Variants in ZNF625 observed in about 807,000 individuals in gnomAD.
ZNF625 encodes zinc finger protein 625.
ZNF625 carries 8 observed loss-of-function variants against 11.1 expected under a neutral mutation model. That is an observed-to-expected ratio of 0.72 (90% CI 0.42 to 1.30). The LOEUF is 1.30. ZNF625 is among the 50% of genes most tolerant of loss of function. The probability of loss-of-function intolerance (pLI) is 0.01; values close to 1 mark genes in which losing one functional copy is unlikely to be tolerated. For synonymous variants in ZNF625, 145 were observed against 153.4 expected, an observed-to-expected ratio of 0.95 and a Z score of 0.41; for missense variants, 349 against 447.6, an observed-to-expected ratio of 0.78 and a Z score of 1.99.
rs1295188372 is a variant in ZNF625 at position 12,146,160 on chromosome 19, G to C, written c.256C>G (p.Gln86Glu). 1.2e-6 allele frequency: 2 copies of C among 1,614,112 alleles called. No homozygotes were observed. The highest frequency in any genetic ancestry group is 2.2e-5 in the South Asian group (2 of 91,076). ...TTCTTCAGCATGTCATCTGGAACCT[G>C]GGTCAAAATTTCTCCATGCTGATGA... is the stretch of plus-strand genomic sequence containing the variant. Reference protein sequence around the residue: ...KDHQHGEILTQVPDDMLKKKT... With the variant: ...KDHQHGEILTEVPDDMLKKKT... Residue 86 changes from glutamine (Q) to glutamate (E), a missense_variant, in exon 4 of 4, where the codon CAG becomes GAG. Gln to Glu is a conservative substitution (Grantham distance 29). Coordinates refer to ENST00000439556, the MANE Select transcript of ZNF625 (RefSeq NM_145233.4).
At position 12,145,736 on chromosome 19, in the gene ZNF625, G is replaced by C. The variant is rs1976860546; in HGVS notation, c.680C>G (p.Ala227Gly). 2 of 1,614,116 alleles carry C rather than the reference G, an allele frequency of 1.2e-6. No homozygotes were observed. The highest frequency in any genetic ancestry group is 1.7e-6 in the Non-Finnish European group (2 of 1,180,026). ...KPYECKQCGK[A>G]FSHSGSLRIH... Reference sequence around the variant, plus strand: ...TCGAAGGCTACCAGAATGACTAAAGGCTTTACCACACTGTTTACATTCATA... The same window carrying C: ...TCGAAGGCTACCAGAATGACTAAAGCCTTTACCACACTGTTTACATTCATA... The change falls in exon 4 of 4, where the codon GCC (alanine) becomes GGC (glycine). Residue 227 changes from alanine (A) to glycine (G), a missense_variant. By Grantham distance (60) the Ala-to-Gly change is moderately conservative. Coordinates refer to ENST00000439556, the MANE Select transcript of ZNF625 (RefSeq NM_145233.4).
intron 1 of ZNF625, among the ~76,000 whole-genome samples, chr19:12,148,319 T>C (rs1052093726): frequency 6.6e-6 from 1 of 151,798 alleles, no homozygotes; most frequent in African/African-American, 2.4e-5. Context: ...CATAACTAAC[T>C]AAAACAAAAA....
Position 12,145,402 on chromosome 19 carries a change from T to C in ZNF625, c.1014A>G (p.Lys338=). 6.2e-7 allele frequency: 1 copy of C among 1,614,190 alleles called. No individual in the cohort carries two copies. The highest frequency in any genetic ancestry group is 8.5e-7 in the Non-Finnish European group (1 of 1,180,038). Reference sequence around the variant, plus strand: ...TAACGCTCGAGGCACATCCAAAGGCTTTACCACATTGTTTACATTCATAGG... The same window carrying C: ...TAACGCTCGAGGCACATCCAAAGGCCTTACCACATTGTTTACATTCATAGG... ...EKPYECKQCG[K]AFGCASSVKI... Residue 338 remains lysine, a synonymous_variant, in exon 4 of 4, where the codon AAA becomes AAG. Coordinates refer to ENST00000439556, the MANE Select transcript of ZNF625 (RefSeq NM_145233.4).
chr19:12,148,623 A>ATTT, intron 1 of ZNF625, among the ~76,000 whole-genome samples: 1 of 138,288 alleles, frequency 7.2e-6, no homozygotes, highest in Non-Finnish European at 1.6e-5. Context: ...TATAACTACC[A>ATTT]TTTTTTTTTT....
In ZNF625 at chr19:12,146,223, C is replaced by T; in HGVS notation, c.193G>A (p.Gly65Ser). Residue 65 changes from glycine (G) to serine (S), a missense_variant and splice_region_variant, in exon 4 of 4, where the codon GGT becomes AGT. Transcript: ENST00000439556. The part of the protein sequence containing the change: ...EYKNPRRNLR[G>S]LMGERLLESK... ...TCTAAGAGTCTCTCTCCCATAAGACCTCTGTGAACAATGAGAAGTATATCA... is the reference window on the plus strand; with the variant it reads ...TCTAAGAGTCTCTCTCCCATAAGACTTCTGTGAACAATGAGAAGTATATCA... 6.2e-7 allele frequency: 1 copy of T among 1,611,986 alleles called. No individual in the cohort carries two copies. The highest frequency in any genetic ancestry group is 8.5e-7 in the Non-Finnish European group (1 of 1,179,370).
intron 1 of ZNF625, among the ~76,000 whole-genome samples, chr19:12,149,394 C>T (rs1976923616): frequency 6.7e-6 from 1 of 149,328 alleles, no homozygotes; most frequent in South Asian, 2.1e-4. Flanking sequence ...TATATATATG[C>T]AATGGAATAT....
intron 1 of ZNF625, among the ~76,000 whole-genome samples, chr19:12,151,327 C>T (rs1976952275): frequency 6.6e-6 from 1 of 151,192 alleles, no homozygotes; most frequent in South Asian, 2.1e-4. Flanking sequence ...CCTCCCACCA[C>T]AGCCTTCTGA....
chr19:12,149,692 C>T (rs1419083114), intron 1 of ZNF625, among the ~76,000 whole-genome samples: 1 of 151,132 alleles, frequency 6.6e-6, no homozygotes, highest in African/African-American at 2.4e-5. Flanking sequence ...ATACAAGTGA[C>T]AAGTAAGCAC....
intron 1 of ZNF625, among the ~76,000 whole-genome samples, chr19:12,155,229 A>G (rs1466673222): frequency 1.3e-5 from 2 of 151,992 alleles, no homozygotes; most frequent in African/African-American, 4.8e-5. Context: ...ATCTCAAAAA[A>G]AAAAAAAAAC....
At chr19:12,148,517 C>A (rs1388934954) in intron 1 of ZNF625, among the ~76,000 whole-genome samples, 1 of 151,926 alleles carries the variant, frequency 6.6e-6, no homozygotes, top group East Asian at 1.9e-4. Flanking sequence ...TAAGAGAACA[C>A]CATCAAGAGA....
At chr19:12,151,196 T>C (rs1309408739) in intron 1 of ZNF625, among the ~76,000 whole-genome samples, 1 of 151,694 alleles carries the variant, frequency 6.6e-6, no homozygotes, top group East Asian at 1.9e-4. Context: ...AGCTATACTC[T>C]TGTATTTCTT....
chr19:12,147,077 C>T (rs986759919), intron 3 of ZNF625, among the ~76,000 whole-genome samples: 22 of 151,874 alleles, frequency 1.4e-4, no homozygotes, highest in African/African-American at 5.3e-4. Flanking sequence ...TGCCATTCTC[C>T]TGCCTCAGCC....
At position 12,146,112 on chromosome 19, in the gene ZNF625, A is replaced by G. The variant is rs1976868526; in HGVS notation, c.304T>C (p.Cys102Arg). 3 of 1,614,092 alleles carry G rather than the reference A, an allele frequency of 1.9e-6. No individual in the cohort carries two copies. The highest frequency in any genetic ancestry group is 2.7e-5 in the African/African-American group (2 of 75,028). The change falls in exon 4 of 4, where the codon TGT (cysteine) becomes CGT (arginine). Residue 102 changes from cysteine (C) to arginine (R), a missense_variant. Physicochemically the swap from Cys to Arg is radical, Grantham distance 180 (BLOSUM62 -3). Transcript: ENST00000439556. ...LKKKTPRVKS[C>R]GEVSVGHASL... is the part of the protein sequence containing the mutation. ...GCATGACCCACGCTGACTTCTCCACATGATTTTACTCGGGGAGTTTTCTTC... is the reference window on the plus strand; with the variant it reads ...GCATGACCCACGCTGACTTCTCCACGTGATTTTACTCGGGGAGTTTTCTTC...
intron 1 of ZNF625, among the ~76,000 whole-genome samples, chr19:12,148,575 C>A (rs2145610362): frequency 6.6e-6 from 1 of 152,000 alleles, no homozygotes; most frequent in Non-Finnish European, 1.5e-5. Flanking sequence ...AATGGCTCAG[C>A]CCCTATGGAA....
rs1428974007 is a variant in ZNF625 at position 12,146,159 on chromosome 19, TGG to T, written c.255_256del (p.Gln86GlyfsTer4). 6.2e-7 allele frequency: 1 copy of T among 1,614,096 alleles called. No homozygotes were observed. The highest frequency in any genetic ancestry group is 8.5e-7 in the Non-Finnish European group (1 of 1,180,038). ...CTTCTTCAGCATGTCATCTGGAACC[TGG>T]GTCAAAATTTCTCCATGCTGATGAT... On this transcript the variant is annotated frameshift_variant, in exon 4 of 4. Coordinates refer to ENST00000439556, the MANE Select transcript of ZNF625 (RefSeq NM_145233.4). LOFTEE classifies it low-confidence loss of function (END_TRUNC).
At chr19:12,151,430 G>C (rs1199711336) in intron 1 of ZNF625, among the ~76,000 whole-genome samples, 2 of 149,812 alleles carry the variant, frequency 1.3e-5, no homozygotes, top group African/African-American at 4.9e-5. Context: ...GCCCAGGCTG[G>C]AGTGCAGTGG....
chr19:12,153,403 C>T (rs1349133587), intron 1 of ZNF625, among the ~76,000 whole-genome samples: 4 of 150,260 alleles, frequency 2.7e-5, no homozygotes, highest in Non-Finnish European at 5.9e-5. Flanking sequence ...GACACATGCA[C>T]GGCTGGGTGC....
At chr19:12,146,332 C>T (rs908267260) in intron 3 of ZNF625, 108 bp from the exon 4 acceptor site, 2 of 1,038,292 alleles carry the variant, frequency 1.9e-6, no homozygotes, top group Admixed American at 2.2e-5. Context: ...AATGTGTAGG[C>T]TTTCTGCCCT....
chr19:12,149,370 G>A (rs1230305492), intron 1 of ZNF625, among the ~76,000 whole-genome samples: 1 of 143,420 alleles, frequency 7.0e-6, no homozygotes, highest in Non-Finnish European at 1.5e-5. Flanking sequence ...TAACAAAAAT[G>A]TGATAGGTAT....
Sources: allele counts gnomAD v4.1 joint callset (sites outside exome capture counted in the v4.1 genomes callset), GRCh38; gene constraint gnomAD v4.1.1; transcripts MANE v1.5; gene names NCBI Gene and HGNC (gene_info 2026-07-23, HGNC 2026-07-21).